PHACTR1: variants seen among roughly 807,000 people sequenced by gnomAD.
PHACTR1 encodes phosphatase and actin regulator 1.
In PHACTR1, 16 loss-of-function variants were observed where a neutral mutation model predicts 69.2. That is an observed-to-expected ratio of 0.23 (90% CI 0.16 to 0.35). PHACTR1 has a LOEUF of 0.35. Among genes scored for constraint, PHACTR1 ranks in the 10% least tolerant of loss-of-function variants. The pLI is 1.00. For missense variants in PHACTR1, 510 were observed against 734.7 expected, an observed-to-expected ratio of 0.69 and a Z score of 3.54; for synonymous variants, 312 against 284.5, an observed-to-expected ratio of 1.10 and a Z score of -0.97.
At chr6:12,889,169 G>T (rs1411936032) in intron 4 of PHACTR1, among the ~76,000 whole-genome samples, 1 of 152,184 alleles carries the variant, frequency 6.6e-6, no homozygotes, top group Non-Finnish European at 1.5e-5. Context: ...TGAGGTGGGA[G>T]GCTGAGGCAG....
intron 4 of PHACTR1, among the ~76,000 whole-genome samples, chr6:13,044,431 A>G (rs1383820860): frequency 6.6e-6 from 1 of 152,234 alleles, no homozygotes; most frequent in African/African-American, 2.4e-5. Context: ...AGTAGTTCCA[A>G]CAAATTCCAG....
At chr6:12,800,338 A>G (rs1164624212) in intron 4 of PHACTR1, among the ~76,000 whole-genome samples, 3 of 152,206 alleles carry the variant, frequency 2.0e-5, no homozygotes, top group African/African-American at 7.2e-5. Flanking sequence ...AAAAGGCTAC[A>G]ACCCAAGAAG....
intron 6 of PHACTR1, among the ~76,000 whole-genome samples, chr6:13,178,963 C>T (rs1357696392): frequency 1.3e-5 from 2 of 152,142 alleles, no homozygotes; most frequent in Non-Finnish European, 2.9e-5. Context: ...TGGCTGGGTG[C>T]AGTGGCTCCC....
intron 4 of PHACTR1, among the ~76,000 whole-genome samples, chr6:12,792,991 G>A (rs557814185): frequency 2.6e-5 from 4 of 152,168 alleles, no homozygotes; most frequent in Non-Finnish European, 4.4e-5. Flanking sequence ...AGTCAAGTTC[G>A]TGAGATTTGC....
At chr6:13,228,247 AG>A (rs1337867274) in intron 9 of PHACTR1, among the ~76,000 whole-genome samples, 184 bp downstream of exon 9, 2 of 152,100 alleles carry the variant, frequency 1.3e-5, no homozygotes, top group East Asian at 3.9e-4. Context: ...GTAAGAGGAG[AG>A]GGTAAATGTC....
intron 4 of PHACTR1, among the ~76,000 whole-genome samples, chr6:13,032,936 A>G (rs1802683844): frequency 6.6e-6 from 1 of 152,086 alleles, no homozygotes; most frequent in Non-Finnish European, 1.5e-5. Context: ...TTATGTTGTT[A>G]TTTTTAGTTT....
chr6:13,010,076 T>C (rs1163176849), intron 4 of PHACTR1, among the ~76,000 whole-genome samples: 8 of 152,202 alleles, frequency 5.3e-5, no homozygotes, highest in East Asian at 3.8e-4. Context: ...CGTTTTCAGC[T>C]GGCTGTCTTC....
At chr6:13,060,019 G>A (rs553035693) in intron 5 of PHACTR1, among the ~76,000 whole-genome samples, 1 of 152,332 alleles carries the variant, frequency 6.6e-6, no homozygotes, top group Non-Finnish European at 1.5e-5. Context: ...AGACTAGATA[G>A]AGGAGGAGGA....
chr6:12,767,893 G>A (rs1047076510), intron 4 of PHACTR1, among the ~76,000 whole-genome samples: 1 of 152,150 alleles, frequency 6.6e-6, no homozygotes. Context: ...ACCTGAACAA[G>A]TGAATCAAGC....
At chr6:12,859,496 C>T (rs1375759388) in intron 4 of PHACTR1, among the ~76,000 whole-genome samples, 2 of 152,194 alleles carry the variant, frequency 1.3e-5, no homozygotes, top group Non-Finnish European at 2.9e-5. Flanking sequence ...AATATTGTAC[C>T]AATGATGCTA....
Position 13,245,184 on chromosome 6 carries a change from CT to C in PHACTR1, c.1391+14994del. 6.6e-6 allele frequency among the ~76,000 whole-genome samples: 1 copy of C among 152,286 alleles called. No individual in the cohort carries two copies. Among genetic ancestry groups the C allele is most frequent in the Admixed American group, 6.5e-5 (1 of 15,298 alleles). ...CTTTATGGTAGAATGATTTCTGTTC[CT>C]TTGGGTATATACCCAGTAACGGGAT... On this transcript the variant is annotated intron_variant, in intron 10 of 14. Transcript: ENST00000332995. The surrounding 1 kb of genome is among the most constrained non-coding windows in gnomAD (Gnocchi z 4.1).
chr6:12,970,024 C>T (rs1285115088), intron 4 of PHACTR1, among the ~76,000 whole-genome samples: 1 of 152,126 alleles, frequency 6.6e-6, no homozygotes, highest in Admixed American at 6.5e-5. Context: ...TTACAATCCA[C>T]TTGTCTCTAG....
intron 5 of PHACTR1, among the ~76,000 whole-genome samples, chr6:13,119,577 C>T (rs1239196297): frequency 6.6e-6 from 1 of 152,172 alleles, no homozygotes; most frequent in African/African-American, 2.4e-5. Flanking sequence ...GAGCTCCCAG[C>T]CCCTGCAGCT....
intron 10 of PHACTR1, among the ~76,000 whole-genome samples, chr6:13,234,878 G>C (rs1390340663): frequency 3.9e-5 from 6 of 152,166 alleles, no homozygotes; most frequent in Non-Finnish European, 8.8e-5. Flanking sequence ...TGAACTTCAG[G>C]ATGGCACAGA....
Position 13,228,089 on chromosome 6 carries a change from G to A in PHACTR1, c.1234+26G>A, listed in dbSNP as rs11964503. The A allele has an allele frequency of 3.5e-3, 5,644 of 1,596,726 alleles. 157 individuals are homozygous for A. In the African/African-American group the frequency reaches 0.064, roughly 18 times the overall value. On this transcript the variant is annotated intron_variant, in intron 9 of 14. Coordinates refer to ENST00000332995, the MANE Select transcript of PHACTR1 (RefSeq NM_030948.6). ...GTGCGTTCATCTTAACTCATCACCA[G>A]GGGTGGGGAAGCATGCTATTGTGGA...
At chr6:13,099,123 G>A (rs562972141) in intron 5 of PHACTR1, among the ~76,000 whole-genome samples, 18 of 152,278 alleles carry the variant, frequency 1.2e-4, no homozygotes, top group South Asian at 8.3e-4. Context: ...ATGTGACCTC[G>A]CAGTCTTCAC....
chr6:13,014,828 C>T (rs1436789647), intron 4 of PHACTR1, among the ~76,000 whole-genome samples: 1 of 152,198 alleles, frequency 6.6e-6, no homozygotes, highest in East Asian at 1.9e-4. Flanking sequence ...TGAAGGCGTG[C>T]CGGGCTGCCA....
At chr6:12,869,941 G>A (rs1182348715) in intron 4 of PHACTR1, among the ~76,000 whole-genome samples, 1 of 152,132 alleles carries the variant, frequency 6.6e-6, no homozygotes, top group Non-Finnish European at 1.5e-5. Context: ...CTGGTCCTAG[G>A]GTTATAAGGT....
intron 4 of PHACTR1, among the ~76,000 whole-genome samples, chr6:12,798,762 G>A (rs983203435): frequency 3.9e-5 from 6 of 152,112 alleles, no homozygotes; most frequent in Non-Finnish European, 5.9e-5. Context: ...CTTTCAATTG[G>A]CTTTTAATTT....
Sources: allele counts gnomAD v4.1 joint callset (sites outside exome capture counted in the v4.1 genomes callset), GRCh38; gene constraint gnomAD v4.1.1; non-coding constraint Gnocchi (gnomAD v3.1); transcripts MANE v1.5; gene names NCBI Gene and HGNC (gene_info 2026-07-23, HGNC 2026-07-21).